The following DGKB variants were observed in gnomAD, a reference collection of about 807,000 sequenced individuals.
DGKB encodes diacylglycerol kinase beta.
In DGKB, 67 loss-of-function variants were observed where a neutral mutation model predicts 114.3. That is an observed-to-expected ratio of 0.59 (90% CI 0.48 to 0.72). The LOEUF is 0.72. DGKB is among the 30% of genes least tolerant of loss of function. The pLI is 0.00. For missense variants in DGKB, 907 were observed against 975.2 expected, an observed-to-expected ratio of 0.93 and a Z score of 0.93; for synonymous variants, 398 against 323.1, an observed-to-expected ratio of 1.23 and a Z score of -2.49.
At chr7:14,450,562 A>T (rs145879726) in intron 21 of DGKB, among the ~76,000 whole-genome samples, 1 of 152,096 alleles carries the variant, frequency 6.6e-6, no homozygotes, top group African/African-American at 2.4e-5. Flanking sequence ...GGATATCAGG[A>T]TTGGTCCCCT....
intron 23 of DGKB, among the ~76,000 whole-genome samples, chr7:14,218,084 G>T (rs1266129036): frequency 6.6e-6 from 1 of 152,092 alleles, no homozygotes; most frequent in Admixed American, 6.6e-5. Flanking sequence ...ATGAAAACAA[G>T]ACACATGTCC....
intron 23 of DGKB, among the ~76,000 whole-genome samples, chr7:14,279,186 T>C (rs1325895755): frequency 3.9e-5 from 6 of 152,046 alleles, no homozygotes; most frequent in Non-Finnish European, 5.9e-5. Context: ...GCTTAAAAAA[T>C]GGCGCACCAC....
At chr7:14,947,546 T>C (rs890326890) in intron 1 of DGKB, among the ~76,000 whole-genome samples, 4 of 122,188 alleles carry the variant, frequency 3.3e-5, no homozygotes, top group Non-Finnish European at 6.6e-5. Context: ...GGTTGTACAA[T>C]AGGATATATT....
Position 14,312,034 on chromosome 7 carries a change from T to G in DGKB, c.2122+26481A>C, listed in dbSNP as rs193061823. Among the ~76,000 whole-genome samples the G allele has an allele frequency of 2.2e-3, 342 of 152,192 alleles. 1 individual carries two copies. Among genetic ancestry groups the G allele is most frequent in the Middle Eastern group, 3.4e-3 (1 of 294 alleles). On this transcript the variant is annotated intron_variant, in intron 23 of 25. Coordinates refer to ENST00000402815, the MANE Select transcript of DGKB (RefSeq NM_001350709.2). Reference sequence around the variant, plus strand: ...GTTATTTTTTTTTTCTGAAGCAGATTAACACAGCCTTCAGTGTGAGATATA... The same window carrying G: ...GTTATTTTTTTTTTCTGAAGCAGATGAACACAGCCTTCAGTGTGAGATATA...
chr7:14,697,260 T>C (rs143590110), intron 8 of DGKB, among the ~76,000 whole-genome samples: 5 of 152,324 alleles, frequency 3.3e-5, no homozygotes, highest in South Asian at 4.1e-4. Flanking sequence ...CTGAAGAGCT[T>C]TGGGCAAGTA....
intron 6 of DGKB, among the ~76,000 whole-genome samples, chr7:14,713,588 T>A (rs1827707769): frequency 6.7e-6 from 1 of 149,974 alleles, no homozygotes; most frequent in African/African-American, 2.4e-5. Context: ...ATTTTAGTAA[T>A]AGCTAGATAA....
chr7:14,646,575 T>C (rs143178297), intron 13 of DGKB, among the ~76,000 whole-genome samples: 276 of 152,284 alleles, frequency 1.8e-3, no homozygotes, highest in African/African-American at 6.2e-3. Flanking sequence ...TTTGCAAGGA[T>C]AGACTGTATC....
chr7:14,558,123 A>G (rs1303244184), intron 20 of DGKB, among the ~76,000 whole-genome samples: 1 of 149,970 alleles, frequency 6.7e-6, no homozygotes, highest in Non-Finnish European at 1.5e-5. Flanking sequence ...TATAATTGCC[A>G]TTTATATATT....
chr7:14,195,148 G>A (rs1303930390), intron 23 of DGKB, among the ~76,000 whole-genome samples: 1 of 152,104 alleles, frequency 6.6e-6, no homozygotes, highest in African/African-American at 2.4e-5. Flanking sequence ...GAAGCAGTTT[G>A]TTCTCGTTAA....
At chr7:14,195,649 CTTTA>C (rs1263392844) in intron 23 of DGKB, among the ~76,000 whole-genome samples, 1 of 152,002 alleles carries the variant, frequency 6.6e-6, no homozygotes, top group Non-Finnish European at 1.5e-5. Context: ...TCTATGGTCC[CTTTA>C]TTTTAGTTTC....
intron 20 of DGKB, among the ~76,000 whole-genome samples, chr7:14,488,165 T>C (rs1469182608): frequency 1.3e-5 from 2 of 151,812 alleles, no homozygotes; most frequent in African/African-American, 4.8e-5. Context: ...TACAGAAGAG[T>C]TCATGAAATT....
chr7:14,398,626 GA>G (rs1190627740), intron 21 of DGKB, among the ~76,000 whole-genome samples: 2 of 151,952 alleles, frequency 1.3e-5, no homozygotes, highest in African/African-American at 4.8e-5. Context: ...AGAAGTAAAA[GA>G]TTTAGTAGTA....
chr7:14,324,487 G>A (rs1287231882), intron 23 of DGKB, among the ~76,000 whole-genome samples: 1 of 148,872 alleles, frequency 6.7e-6, no homozygotes, highest in Non-Finnish European at 1.5e-5. Context: ...TTTAAGACCC[G>A]ACACCAGCAG....
At chr7:14,412,578 AG>A (rs1825064962) in intron 21 of DGKB, among the ~76,000 whole-genome samples, 1 of 152,192 alleles carries the variant, frequency 6.6e-6, no homozygotes, top group Non-Finnish European at 1.5e-5. Context: ...AGATCAAACC[AG>A]GTTTAAAATA....
At chr7:14,962,618 CTGTGTGTGTGTGTGTGTTTG>C in intron 1 of DGKB, among the ~76,000 whole-genome samples, 1 of 140,536 alleles carries the variant, frequency 7.1e-6, no homozygotes, top group Admixed American at 7.1e-5. Flanking sequence ...ATAGCTATAG[CTGTGTGTGTGTGTGTGTTTG>C]TGTGTGTGTG....
At chr7:14,640,978 G>T (rs1422715880) in intron 13 of DGKB, among the ~76,000 whole-genome samples, 1 of 152,078 alleles carries the variant, frequency 6.6e-6, no homozygotes, top group African/African-American at 2.4e-5. Flanking sequence ...AATGCTATTA[G>T]CTCTAGATAT....
intron 6 of DGKB, among the ~76,000 whole-genome samples, chr7:14,703,079 C>G (rs555832944): frequency 5.3e-5 from 8 of 152,148 alleles, no homozygotes; most frequent in African/African-American, 1.9e-4. Context: ...CAGAAGGAAA[C>G]AGCAACTTAC....
chr7:14,165,662 T>C (rs1437731080), intron 25 of DGKB, among the ~76,000 whole-genome samples: 2 of 152,194 alleles, frequency 1.3e-5, no homozygotes, highest in East Asian at 1.9e-4. Context: ...TTTTCCAATA[T>C]ATATTATGTG....
intron 4 of DGKB, among the ~76,000 whole-genome samples, chr7:14,741,798 T>C (rs1395447745): frequency 3.9e-5 from 6 of 152,206 alleles, no homozygotes. Context: ...TTGGTAAAGT[T>C]CAAAAGCCAG....
Sources: allele counts gnomAD v4.1 joint callset (sites outside exome capture counted in the v4.1 genomes callset), GRCh38; gene constraint gnomAD v4.1.1; transcripts MANE v1.5; gene names NCBI Gene and HGNC (gene_info 2026-07-23, HGNC 2026-07-21).